The following SH3PXD2B variants were observed in gnomAD, a reference collection of about 807,000 sequenced individuals.
The protein encoded by SH3PXD2B is SH3 and PX domains 2B.
In SH3PXD2B, 37 loss-of-function variants were observed where a neutral mutation model predicts 73.1. That is an observed-to-expected ratio of 0.51 (90% confidence interval 0.39 to 0.67). The LOEUF is 0.67. SH3PXD2B is among the 30% of genes least tolerant of loss of function. The pLI is 0.00. For missense variants in SH3PXD2B, 1,053 were observed against 1,197.8 expected (o/e 0.88, Z 1.78); for synonymous variants, 457 against 480.5 (o/e 0.95, Z 0.64).
intron 2 of SH3PXD2B, among the ~76,000 whole-genome samples, chr5:172,415,023 G>T (rs1308885744): frequency 6.6e-6 from 1 of 152,190 alleles, no homozygotes; most frequent in African/African-American, 2.4e-5. Context: ...TAGGAGGGAG[G>T]TCCCTCTGTG....
At chr5:172,368,433 G>A (rs1581279501) in intron 6 of SH3PXD2B, among the ~76,000 whole-genome samples, 1 of 114,248 alleles carries the variant, frequency 8.8e-6, no homozygotes, top group Non-Finnish European at 1.8e-5. Flanking sequence ...ATGTTTTGGT[G>A]CAAGGGGAGC....
rs545819897 is a variant in SH3PXD2B, at chr5:172,414,229, GA to G, written c.157-7878del. On this transcript the variant is annotated intron_variant, in intron 2 of 12. Coordinates refer to ENST00000311601, the MANE Select transcript of SH3PXD2B (RefSeq NM_001017995.3). ...CACGCCTGTAATCCCAGCACTTTGG[GA>G]GGCTGAGGCGGGTGGATTGCTTGAG... is the stretch of plus-strand genomic sequence containing the variant. Among the ~76,000 whole-genome samples the G allele has an allele frequency of 8.5e-5, 13 of 152,312 alleles. No individual in the cohort carries two copies. The East Asian group carries it at 2.5e-3, about 29-fold the overall frequency.
chr5:172,329,057 GTGTATATA>G (rs1250244274), downstream of SH3PXD2B, among the ~76,000 whole-genome samples: 11 of 105,130 alleles, frequency 1.0e-4, no homozygotes, highest in South Asian at 7.5e-4. Context: ...GTGTGTGTGT[GTGTATATA>G]TATATATATA....
chr5:172,454,380 A>AGCGCGGGTGCGGGTG lies in SH3PXD2B; in HGVS notation c.-43_-29dup. 2 of 1,398,966 alleles carry AGCGCGGGTGCGGGTG rather than the reference A, an allele frequency of 1.4e-6. No homozygotes were observed. Among genetic ancestry groups the AGCGCGGGTGCGGGTG allele is most frequent in the Non-Finnish European group, 1.9e-6 (2 of 1,075,970 alleles). The allele number at this position is 1,398,966 out of a possible 1,614,324, so 86.7% of individuals were successfully genotyped here. On this transcript the variant is annotated 5_prime_UTR_variant, in exon 1 of 13. Transcript: ENST00000311601. The stretch of plus-strand genomic sequence containing the variant: ...CCGCTCCTCCGCCCGCAGCGGGCCG[A>AGCGCGGGTGCGGGTG]GCGCGGGTGCGGGTGGCGCGGGGTG...
At chr5:172,430,961 G>A (rs1308358923) in intron 1 of SH3PXD2B, among the ~76,000 whole-genome samples, 4 of 152,020 alleles carry the variant, frequency 2.6e-5, no homozygotes, top group African/African-American at 9.7e-5. Context: ...CCACATCCCG[G>A]GTTCAAGCGA....
At chr5:172,409,234 T>C (rs1758632637) in intron 2 of SH3PXD2B, among the ~76,000 whole-genome samples, 1 of 152,014 alleles carries the variant, frequency 6.6e-6, no homozygotes, top group East Asian at 1.9e-4. Flanking sequence ...ACAAAAAAAT[T>C]AGCTGGGCGT....
intron 1 of SH3PXD2B, among the ~76,000 whole-genome samples, chr5:172,423,658 G>A (rs1238088098): frequency 1.3e-5 from 2 of 151,846 alleles, no homozygotes; most frequent in Non-Finnish European, 2.9e-5. Flanking sequence ...TTTTTGGTTT[G>A]GTTTCTTTTT....
At chr5:172,434,782 G>GT (rs71577589) in intron 1 of SH3PXD2B, among the ~76,000 whole-genome samples, 2,265 of 66,290 alleles carry the variant, frequency 0.034, 52 homozygotes, top group African/African-American at 0.073. Context: ...ATGGCCAATG[G>GT]TTTTTTTTTT....
intron 6 of SH3PXD2B, among the ~76,000 whole-genome samples, chr5:172,367,510 G>A (rs1199697390): frequency 2.0e-5 from 3 of 151,660 alleles, no homozygotes; most frequent in Admixed American, 2.0e-4. Context: ...TTACAGTTGT[G>A]AGCCACTGCG....
At chr5:172,394,729 G>C in intron 3 of SH3PXD2B, 90 bp from the exon 4 acceptor site, 2 of 1,421,020 alleles carry the variant, frequency 1.4e-6, no homozygotes, top group South Asian at 1.2e-5. Context: ...CGGTTCCTAG[G>C]GTAGGTCTGA....
At position 172,333,897 on chromosome 5, in the gene SH3PXD2B, G is replaced by A. The variant is rs909071326; in HGVS notation, c.*4472C>T. ...AAAGGGGCGCTAACAATAATTACAC[G>A]GGCACAAAGGCATACATGGGCACAC... On this transcript the variant is annotated 3_prime_UTR_variant, in exon 13 of 13. Coordinates refer to ENST00000311601, the MANE Select transcript of SH3PXD2B (RefSeq NM_001017995.3). 14 of 1,269,846 alleles carry A rather than the reference G, an allele frequency of 1.1e-5. No individual in the cohort carries two copies. In the East Asian group the frequency reaches 2.8e-4, roughly 25 times the overall value. The allele number at this position is 1,269,846 out of a possible 1,614,324, so 78.7% of individuals were successfully genotyped here. A position where few individuals can be genotyped will look rare whatever the true frequency, so the allele number is the denominator to read the frequency against.
intron 3 of SH3PXD2B, among the ~76,000 whole-genome samples, chr5:172,396,377 CA>C (rs1241312065): frequency 3.8e-4 from 52 of 135,470 alleles, no homozygotes; most frequent in Non-Finnish European, 2.6e-4. Flanking sequence ...GACTCCGTCT[CA>C]AAAAAAAAAA....
chr5:172,353,800 C>A lies in SH3PXD2B; in HGVS notation c.785+88G>T, dbSNP rs1561899822. 9.9e-7 allele frequency: 1 copy of A among 1,009,902 alleles called. No homozygotes were observed. Among genetic ancestry groups the A allele is most frequent in the Non-Finnish European group, 1.6e-6 (1 of 630,734 alleles). The allele number at this position is 1,009,902 out of a possible 1,614,324, so 62.6% of individuals were successfully genotyped here. On this transcript the variant is annotated intron_variant, in intron 9 of 12. Transcript: ENST00000311601. This position sits in a 1 kb window ranked among gnomAD's most constrained non-coding sequence, Gnocchi z 4.3. ...CGCCCAGATGCAATCACTTACCGACCTCTGTGAGGCCAGAGTCCCTGTGAC... is the reference window on the plus strand; with the variant it reads ...CGCCCAGATGCAATCACTTACCGACATCTGTGAGGCCAGAGTCCCTGTGAC...
At chr5:172,390,311 C>T (rs1185274407) in intron 4 of SH3PXD2B, among the ~76,000 whole-genome samples, 1 of 152,266 alleles carries the variant, frequency 6.6e-6, no homozygotes, top group Non-Finnish European at 1.5e-5. Context: ...TGTAGTTGTA[C>T]ACATCTGGCT....
chr5:172,381,553 G>A (rs1253399167), intron 5 of SH3PXD2B, among the ~76,000 whole-genome samples: 3 of 152,118 alleles, frequency 2.0e-5, no homozygotes, highest in Non-Finnish European at 4.4e-5. Flanking sequence ...GTGACAGGGA[G>A]GCAGGGCTGT....
intron 7 of SH3PXD2B, 126 bp from the exon 8 acceptor site, chr5:172,359,003 T>A (rs1757342666): frequency 1.1e-6 from 1 of 896,384 alleles, no homozygotes; most frequent in Admixed American, 2.0e-5. Flanking sequence ...TACCATTTTA[T>A]TGGTAGAACA....
intron 12 of SH3PXD2B, among the ~76,000 whole-genome samples, chr5:172,344,280 G>A (rs1364582771): frequency 6.6e-6 from 1 of 152,074 alleles, no homozygotes; most frequent in Non-Finnish European, 1.5e-5. Context: ...CAGAGCATAT[G>A]GATCTATCAT....
chr5:172,335,149 C>G lies in SH3PXD2B; in HGVS notation c.*3220G>C. ...AGGTGGTCTTAGACTCAGGGTTTTC[C>G]AAATTTTTGGAGGTACCGCAAGCTG... On this transcript the variant is annotated 3_prime_UTR_variant, in exon 13 of 13. Coordinates refer to ENST00000311601, the MANE Select transcript of SH3PXD2B (RefSeq NM_001017995.3). 3.0e-6 allele frequency: 3 copies of G among 988,678 alleles called. No homozygotes were observed. The highest frequency in any genetic ancestry group is 3.6e-6 in the Non-Finnish European group (3 of 832,362). 61.2% of individuals were successfully genotyped at this position (988,678 alleles called of 1,614,324 possible).
chr5:172,429,904 CCTAA>C lies in SH3PXD2B; in HGVS notation c.76-7412_76-7409del, dbSNP rs1230377091. Among the ~76,000 whole-genome samples, 9 of 152,298 alleles carry C rather than the reference CCTAA, an allele frequency of 5.9e-5. 1 individual carries two copies. The South Asian group carries it at 1.2e-3, about 21-fold the overall frequency. ...CAGCAGGGAGATGTCTGCTCACCCTCCTAACTGTCAGAGTGACCAGTACATCATC... is the reference window on the plus strand; with the variant it reads ...CAGCAGGGAGATGTCTGCTCACCCTCCTGTCAGAGTGACCAGTACATCATC... On this transcript the variant is annotated intron_variant, in intron 1 of 12. Transcript: ENST00000311601.
Sources: allele counts gnomAD v4.1 joint callset (sites outside exome capture counted in the v4.1 genomes callset), GRCh38; gene constraint gnomAD v4.1.1; non-coding constraint Gnocchi (gnomAD v3.1); transcripts MANE v1.5; gene names NCBI Gene and HGNC (gene_info 2026-07-23, HGNC 2026-07-21).